POLE4: variants seen among roughly 807,000 people sequenced by gnomAD.
POLE4 encodes the protein DNA polymerase epsilon subunit 4.
In POLE4, 15 loss-of-function variants were observed where a neutral mutation model predicts 15.6. That is an observed-to-expected ratio of 0.96 (90% CI 0.64 to 1.48). The LOEUF is 1.48. Ranked by LOEUF, POLE4 falls within the 40% of genes most tolerant of loss-of-function variation. The pLI is 0.00. For synonymous variants in POLE4, 83 were observed against 63.2 expected, an observed-to-expected ratio of 1.31 and a Z score of -1.49; for missense variants, 205 against 151.9, an observed-to-expected ratio of 1.35 and a Z score of -1.84.
intron 3 of POLE4, among the ~76,000 whole-genome samples, chr2:74,963,976 T>TAGGGAATA (rs539861762): frequency 0.023 from 3,516 of 152,284 alleles, 63 homozygotes; most frequent in Non-Finnish European, 0.031. Flanking sequence ...TACTGTATTG[T>TAGGGAATA]CATGAAGACA....
At chr2:74,963,977 C>CAGTATTCATTGTATATTAGCATATACAA (rs541696939) in intron 3 of POLE4, among the ~76,000 whole-genome samples, 3,515 of 152,134 alleles carry the variant, frequency 0.023, 64 homozygotes, top group Non-Finnish European at 0.031. Context: ...ACTGTATTGT[C>CAGTATTCATTGTATATTAGCATATACAA]ATGAAGACAT....
At chr2:74,964,271 A>G (rs1671266798) in intron 3 of POLE4, among the ~76,000 whole-genome samples, 1 of 152,218 alleles carries the variant, frequency 6.6e-6, no homozygotes, top group African/African-American at 2.4e-5. Context: ...CTGAGAGAGC[A>G]GATCTTCCCA....
chr2:74,969,618 T>G lies in POLE4; in HGVS notation c.*196T>G, dbSNP rs1252498768. Reference sequence around the variant, plus strand: ...GGTCTTCCACTATTTCTGTCTGTCTTCCATATCAAGCCTGGATGCAGCTGC... The same window carrying G: ...GGTCTTCCACTATTTCTGTCTGTCTGCCATATCAAGCCTGGATGCAGCTGC... On this transcript the variant is annotated 3_prime_UTR_variant, in exon 4 of 4. Transcript: ENST00000483063. The G allele has an allele frequency of 7.9e-6, 5 of 633,328 alleles. No individual in the cohort carries two copies. Among genetic ancestry groups the G allele is most frequent in the Admixed American group, 2.6e-5 (1 of 39,174 alleles). The allele number at this position is 633,328 out of a possible 1,614,324, so 39.2% of individuals were successfully genotyped here.
intron 3 of POLE4, among the ~76,000 whole-genome samples, chr2:74,964,270 C>A (rs1416968764): frequency 3.3e-5 from 5 of 152,190 alleles, no homozygotes; most frequent in African/African-American, 1.2e-4. Context: ...TCTGAGAGAG[C>A]AGATCTTCCC....
chr2:74,960,703 A>G, intron 3 of POLE4: 3 of 433,626 alleles, frequency 6.9e-6, no homozygotes, highest in Non-Finnish European at 1.4e-5. Context: ...TTAATTCTTC[A>G]GTCTGATCAG....
At chr2:74,958,919 G>A (rs1237263832) in intron 1 of POLE4, 27 bp downstream of exon 1, 19 of 1,543,764 alleles carry the variant, frequency 1.2e-5, no homozygotes, top group Non-Finnish European at 1.5e-5. Context: ...AGGGCATGCG[G>A]GAGTGGGGGA....
intron 3 of POLE4, among the ~76,000 whole-genome samples, chr2:74,964,867 A>C (rs1422978284): frequency 1.3e-5 from 2 of 152,012 alleles, no homozygotes; most frequent in Non-Finnish European, 2.9e-5. Flanking sequence ...ACTGGCTAGA[A>C]TCTCTAGTAC....
intron 3 of POLE4, among the ~76,000 whole-genome samples, chr2:74,968,022 C>T (rs1342341163): frequency 2.0e-5 from 3 of 152,204 alleles, no homozygotes; most frequent in Non-Finnish European, 4.4e-5. Context: ...CTTCAGCCTA[C>T]ACAAATAACC....
At chr2:74,963,310 G>A (rs954451417) in intron 3 of POLE4, among the ~76,000 whole-genome samples, 6 of 151,920 alleles carry the variant, frequency 3.9e-5, no homozygotes, top group African/African-American at 1.5e-4. Context: ...TTTTATTTTT[G>A]ACAAGCTGTT....
chr2:74,958,855 C>A lies in POLE4; in HGVS notation c.176C>A (p.Ala59Glu). The change falls in exon 1 of 4, where the codon GCG becomes GAG. Residue 59 changes from alanine (A) to glutamate (E), a missense_variant. Coordinates refer to ENST00000483063, the MANE Select transcript of POLE4 (RefSeq NM_019896.4). Reference sequence around the variant, plus strand: ...AAGGCAGATCCCGACGTGACGCTAGCGGGACAGGAAGCCATCTTCATTCTG... The same window carrying A: ...AAGGCAGATCCCGACGTGACGCTAGAGGGACAGGAAGCCATCTTCATTCTG... ...LVKADPDVTL[A>E]GQEAIFILAR... is the part of the protein sequence containing the mutation. 6.4e-7 allele frequency: 1 copy of A among 1,561,250 alleles called. No individual in the cohort carries two copies. Among genetic ancestry groups the A allele is most frequent in the Non-Finnish European group, 8.7e-7 (1 of 1,152,778 alleles).
At position 74,959,424 on chromosome 2, in the gene POLE4, G is replaced by T; in HGVS notation, c.297G>T (p.Leu99Phe). ...GKRKTLQRRDLDNAIEAVDEF... is the reference protein window; with the variant it reads ...GKRKTLQRRDFDNAIEAVDEF... ...GGAAAACCCTTCAGAGGAGAGACTT[G>T]GGTAGAGTGGCACTGCAGTGTCTGG... Residue 99 changes from leucine to phenylalanine, a missense_variant and splice_region_variant, in exon 2 of 4, where the codon TTG becomes TTT. Physicochemically the swap from Leu to Phe is conservative, Grantham distance 22 (BLOSUM62 0). Coordinates refer to ENST00000483063, the MANE Select transcript of POLE4 (RefSeq NM_019896.4). The T allele has an allele frequency of 6.2e-7, 1 of 1,601,358 alleles. No homozygotes were observed. The highest frequency in any genetic ancestry group is 1.1e-5 in the South Asian group (1 of 90,784).
At position 74,958,861 on chromosome 2, in the gene POLE4, A is replaced by G; in HGVS notation, c.182A>G (p.Gln61Arg). 6.4e-7 allele frequency: 1 copy of G among 1,561,036 alleles called. No homozygotes were observed. Among genetic ancestry groups the G allele is most frequent in the Non-Finnish European group, 8.7e-7 (1 of 1,152,658 alleles). The change falls in exon 1 of 4, where the codon CAG (glutamine) becomes CGG (arginine). Residue 61 changes from glutamine (Q) to arginine (R), a missense_variant. Transcript: ENST00000483063. ...GATCCCGACGTGACGCTAGCGGGACAGGAAGCCATCTTCATTCTGGCACGA... is the reference window on the plus strand; with the variant it reads ...GATCCCGACGTGACGCTAGCGGGACGGGAAGCCATCTTCATTCTGGCACGA... Reference protein sequence around the residue: ...KADPDVTLAGQEAIFILARAA... With the variant: ...KADPDVTLAGREAIFILARAA...
chr2:74,959,987 T>A, intron 2 of POLE4, 118 bp from the exon 3 acceptor site: 3 of 762,058 alleles, frequency 3.9e-6, no homozygotes, highest in Non-Finnish European at 7.0e-6. Context: ...AAGGGACGCA[T>A]CTTATAAATG....
chr2:74,967,032 T>G, intron 3 of POLE4, among the ~76,000 whole-genome samples: 1 of 152,230 alleles, frequency 6.6e-6, no homozygotes, highest in Admixed American at 6.5e-5. Flanking sequence ...TTTGATTTTC[T>G]GTGGTTTCAC....
At position 74,958,871 on chromosome 2, in the gene POLE4, C is replaced by G; in HGVS notation, c.192C>G (p.Ile64Met). The G allele has an allele frequency of 6.4e-7, 1 of 1,559,428 alleles. No homozygotes were observed. Among genetic ancestry groups the G allele is most frequent in the Non-Finnish European group, 8.7e-7 (1 of 1,151,710 alleles). Residue 64 changes from isoleucine to methionine, a missense_variant, in exon 1 of 4, where the codon ATC (isoleucine) becomes ATG (methionine). Ile to Met is a conservative substitution (Grantham distance 10). Coordinates refer to ENST00000483063, the MANE Select transcript of POLE4 (RefSeq NM_019896.4). Reference protein sequence around the residue: ...PDVTLAGQEAIFILARAAELF... With the variant: ...PDVTLAGQEAMFILARAAELF... ...TGACGCTAGCGGGACAGGAAGCCATCTTCATTCTGGCACGAGCCGCGGTGC... is the reference window on the plus strand; with the variant it reads ...TGACGCTAGCGGGACAGGAAGCCATGTTCATTCTGGCACGAGCCGCGGTGC...
intron 3 of POLE4, among the ~76,000 whole-genome samples, chr2:74,965,875 C>T (rs1249842740): frequency 6.6e-6 from 1 of 152,004 alleles, no homozygotes; most frequent in Non-Finnish European, 1.5e-5. Flanking sequence ...TAATTTTTAT[C>T]TTTCCATATA....
chr2:74,960,170 T>C lies in POLE4; in HGVS notation c.340+24T>C, dbSNP rs775809998. ...AGGTGAGTTCCCTCTCAGTGGGCAA[T>C]CATTTCCGCCTGTCTTTTGCATGTT... On this transcript the variant is annotated intron_variant, in intron 3 of 3. Coordinates refer to ENST00000483063, the MANE Select transcript of POLE4 (RefSeq NM_019896.4). The C allele has an allele frequency of 1.9e-6, 3 of 1,591,670 alleles. No homozygotes were observed. In the African/African-American group the frequency reaches 4.0e-5, roughly 21 times the overall value.
chr2:74,959,983 C>T (rs145937022), intron 2 of POLE4, 122 bp from the exon 3 acceptor site: 8 of 738,006 alleles, frequency 1.1e-5, no homozygotes, highest in East Asian at 2.5e-5. Flanking sequence ...CAGCAAGGGA[C>T]GCATCTTATA....
At chr2:74,960,910 C>G (rs1046891112) in intron 3 of POLE4, 5 of 239,874 alleles carry the variant, frequency 2.1e-5, no homozygotes, top group African/African-American at 1.1e-4. Flanking sequence ...ATACACTTAT[C>G]CTCATGTTAC....
Sources: allele counts gnomAD v4.1 joint callset (sites outside exome capture counted in the v4.1 genomes callset), GRCh38; gene constraint gnomAD v4.1.1; transcripts MANE v1.5; gene names NCBI Gene and HGNC (gene_info 2026-07-23, HGNC 2026-07-21).